Variants in MYO18A observed in about 807,000 individuals in gnomAD.
MYO18A encodes the protein myosin XVIIIA.
A neutral mutation model predicts 235.8 loss-of-function variants in MYO18A; 78 were observed. The observed-to-expected ratio is 0.33, with a 90% CI of 0.28 to 0.40. The LOEUF (loss-of-function observed/expected upper bound fraction) is 0.40, where lower values mean the gene tolerates loss of function less well. Ranked by LOEUF, MYO18A falls within the 10% of genes least tolerant of loss-of-function variation. MYO18A has a pLI of 1.00. For synonymous variants in MYO18A, 977 were observed against 1,077.8 expected (o/e 0.91, Z 1.83); for missense variants, 2,215 against 2,699.3 (o/e 0.82, Z 3.98).
At chr17:29,130,066 G>A (rs2036085386) in intron 2 of MYO18A, among the ~76,000 whole-genome samples, 1 of 152,142 alleles carries the variant, frequency 6.6e-6, no homozygotes, top group Non-Finnish European at 1.5e-5. Context: ...CGAGGCCAAG[G>A]CAGGGAGACT....
At chr17:29,093,452 C>G in intron 31 of MYO18A, 25 bp from the exon 32 acceptor site, 1 of 1,573,502 alleles carries the variant, frequency 6.4e-7, no homozygotes, top group Non-Finnish European at 8.7e-7. Flanking sequence ...GGACAGAGAC[C>G]CGTCCGTCCC....
At chr17:29,147,889 CAA>C (rs11389237) in intron 2 of MYO18A, among the ~76,000 whole-genome samples, 21 of 87,100 alleles carry the variant, frequency 2.4e-4, no homozygotes, top group Admixed American at 5.5e-4. Flanking sequence ...GCCTGGGTGA[CAA>C]AAAAAAAAAA....
At chr17:29,089,045 CAAA>C (rs34652243) in intron 37 of MYO18A, among the ~76,000 whole-genome samples, 6 of 103,408 alleles carry the variant, frequency 5.8e-5, no homozygotes, top group South Asian at 3.3e-4. Context: ...GACCCTATCT[CAAA>C]AAAAAAAAAA....
chr17:29,143,714 AC>A (rs1293154123), intron 2 of MYO18A, among the ~76,000 whole-genome samples: 2 of 152,188 alleles, frequency 1.3e-5, no homozygotes, highest in African/African-American at 4.8e-5. Context: ...CAACATATAT[AC>A]CCTGCTTCCT....
chr17:29,118,458 G>C lies in MYO18A; in HGVS notation c.1830-18C>G, dbSNP rs571131005. The C allele has an allele frequency of 4.4e-6, 7 of 1,589,722 alleles. No individual in the cohort carries two copies. In the South Asian group the frequency reaches 6.7e-5, roughly 15 times the overall value. The stretch of plus-strand genomic sequence containing the variant: ...GCTCTGTCCTAGGGGTACAAATAAG[G>C]CATCAGCACGGCACTTGGTCCCCAT... On this transcript the variant is annotated intron_variant, in intron 8 of 41. Transcript: ENST00000527372. The surrounding 1 kb of genome is among the most constrained non-coding windows in gnomAD (Gnocchi z 4.2).
In MYO18A at chr17:29,120,034, T is replaced by G. The variant is rs1333858902; in HGVS notation, c.1728+582A>C. ...GGGACCACAGGCGTGCACTACCACA[T>G]CTGGCTCAATTAAGCAGGTGCATCT... On this transcript the variant is annotated intron_variant, in intron 7 of 41. Coordinates refer to ENST00000527372, the MANE Select transcript of MYO18A (RefSeq NM_078471.4). This position sits in a 1 kb window ranked among gnomAD's most constrained non-coding sequence, Gnocchi z 4.2. 6.6e-6 allele frequency among the ~76,000 whole-genome samples: 1 copy of G among 152,106 alleles called. No homozygotes were observed. Among genetic ancestry groups the G allele is most frequent in the African/African-American group, 2.4e-5 (1 of 41,418 alleles).
At position 29,115,041 on chromosome 17, in the gene MYO18A, A is replaced by C. The variant is rs754156499; in HGVS notation, c.2377T>G (p.Phe793Val). ...GACCCACCCTGCTCAGGGTTCTGGA[A>C]GCCCGGGGTGTCGACAATCATCATG... ...CSMMIVDTPGFQNPEQGGSAR... is the reference protein window; with the variant it reads ...CSMMIVDTPGVQNPEQGGSAR... Residue 793 changes from phenylalanine (F) to valine (V), a missense_variant, in exon 14 of 42, where the codon TTC becomes GTC. Transcript: ENST00000527372. 6 of 1,613,904 alleles carry C rather than the reference A, an allele frequency of 3.7e-6. 1 individual carries two copies. The South Asian group carries it at 6.6e-5, about 18-fold the overall frequency.
chr17:29,089,009 G>C (rs556856987), intron 37 of MYO18A, among the ~76,000 whole-genome samples: 1 of 146,748 alleles, frequency 6.8e-6, no homozygotes, highest in South Asian at 2.2e-4. Flanking sequence ...TTGCGTCACT[G>C]CACTACAGCC....
At chr17:29,084,317 CAG>C (rs1319530388) in intron 40 of MYO18A, among the ~76,000 whole-genome samples, 2 of 152,204 alleles carry the variant, frequency 1.3e-5, no homozygotes, top group Admixed American at 1.3e-4. Flanking sequence ...TTGAAACACA[CAG>C]GGGACAGACA....
In MYO18A at chr17:29,117,925, A is replaced by G; in HGVS notation, c.2038+120T>C. The G allele has an allele frequency of 2.4e-6, 3 of 1,230,806 alleles. No homozygotes were observed. Among genetic ancestry groups the G allele is most frequent in the Non-Finnish European group, 3.3e-6 (3 of 898,022 alleles). 76.2% of individuals were successfully genotyped at this position (1,230,806 alleles called of 1,614,324 possible). On this transcript the variant is annotated intron_variant, in intron 10 of 41. Transcript: ENST00000527372. This position sits in a 1 kb window ranked among gnomAD's most constrained non-coding sequence, Gnocchi z 4.6. ...GGGGGGCTGAGAAGAGGCACAAGCA[A>G]AAGAGGGTTGTCTCAGAACGGCTAA...
intron 2 of MYO18A, among the ~76,000 whole-genome samples, chr17:29,154,019 A>G (rs1180930434): frequency 1.3e-5 from 2 of 152,200 alleles, no homozygotes; most frequent in Non-Finnish European, 2.9e-5. Flanking sequence ...TTTCCTCTGG[A>G]CAGAGAAGGT....
At chr17:29,114,129 G>A (rs2067000494) in intron 14 of MYO18A, 32 bp from the exon 15 acceptor site, 1 of 1,523,636 alleles carries the variant, frequency 6.6e-7, no homozygotes, top group Non-Finnish European at 9.0e-7. Context: ...TAGTGAGCAT[G>A]GGGGTCACAT....
chr17:29,087,212 T>C (rs540224862), intron 37 of MYO18A, 91 bp from the exon 38 acceptor site: 1,135 of 1,362,800 alleles, frequency 8.3e-4, no homozygotes, highest in Non-Finnish European at 1.0e-3. Context: ...TGAGGAGGCC[T>C]GGGGTCGAGC....
At chr17:29,128,575 G>A in intron 2 of MYO18A, 1 of 1,204,678 alleles carries the variant, frequency 8.3e-7, no homozygotes, top group South Asian at 1.5e-5. Context: ...GTAGACATTA[G>A]CATCACCCCT....
At chr17:29,134,179 G>GC (rs1434226286) in intron 2 of MYO18A, among the ~76,000 whole-genome samples, 3 of 152,148 alleles carry the variant, frequency 2.0e-5, no homozygotes, top group African/African-American at 7.2e-5. Context: ...TCGGCTCACT[G>GC]CAGCCTCTGC....
chr17:29,152,544 C>T (rs1567635417), intron 2 of MYO18A, among the ~76,000 whole-genome samples: 3 of 152,140 alleles, frequency 2.0e-5, no homozygotes, highest in Non-Finnish European at 2.9e-5. Flanking sequence ...CTGAAAGGCA[C>T]TTTGGGCATA....
Position 29,073,305 on chromosome 17 carries a change from T to C in MYO18A, c.*1465A>G, listed in dbSNP as rs1359619664. 2 of 152,706 alleles carry C rather than the reference T, an allele frequency of 1.3e-5. No homozygotes were observed. The highest frequency in any genetic ancestry group is 4.8e-5 in the African/African-American group (2 of 41,464). 9.5% of individuals were successfully genotyped at this position (152,706 alleles called of 1,614,324 possible). A position where few individuals can be genotyped will look rare whatever the true frequency, so the allele number is the denominator to read the frequency against. ...CACATAAAAGGTGGGGCTTGTGTCT[T>C]CCTTGGCCAATCCCCTCATTCCACT... is the stretch of plus-strand genomic sequence containing the variant. On this transcript the variant is annotated 3_prime_UTR_variant, in exon 42 of 42. Transcript: ENST00000527372.
intron 40 of MYO18A, among the ~76,000 whole-genome samples, 154 bp downstream of exon 40, chr17:29,085,450 G>A (rs1411441435): frequency 1.3e-5 from 2 of 152,246 alleles, no homozygotes; most frequent in Admixed American, 6.5e-5. Context: ...CCCGAGGATA[G>A]AGTCAGCATG....
intron 41 of MYO18A, chr17:29,078,897 G>A (rs976909892): frequency 1.3e-5 from 2 of 152,374 alleles, no homozygotes; most frequent in African/African-American, 4.8e-5. Context: ...AAGATGAGTA[G>A]AACCAAGGTG....
Sources: allele counts gnomAD v4.1 joint callset (sites outside exome capture counted in the v4.1 genomes callset), GRCh38; gene constraint gnomAD v4.1.1; non-coding constraint Gnocchi (gnomAD v3.1); transcripts MANE v1.5; gene names NCBI Gene and HGNC (gene_info 2026-07-23, HGNC 2026-07-21).